CAMK1G: variants seen among roughly 807,000 people sequenced by gnomAD.
CAMK1G encodes calcium/calmodulin-dependent protein kinase type 1G.
In CAMK1G, 27 loss-of-function variants were observed where a neutral mutation model predicts 54.8. The observed-to-expected ratio is 0.49, with a 90% CI of 0.36 to 0.68. The LOEUF (loss-of-function observed/expected upper bound fraction) is 0.68. Ranked by LOEUF, CAMK1G falls within the 30% of genes least tolerant of loss-of-function variation. CAMK1G has a pLI of 0.00. For missense variants in CAMK1G, 512 were observed against 591.0 expected (o/e 0.87, Z 1.39); for synonymous variants, 238 against 224.9 (o/e 1.06, Z -0.52).
At chr1:209,610,775 C>G (rs756744102) in intron 9 of CAMK1G, among the ~76,000 whole-genome samples, 2 of 152,156 alleles carry the variant, frequency 1.3e-5, no homozygotes, top group Non-Finnish European at 2.9e-5. Flanking sequence ...TGAACAACAC[C>G]CGACATCTAG....
intron 8 of CAMK1G, among the ~76,000 whole-genome samples, chr1:209,609,637 G>A (rs753869494): frequency 3.3e-5 from 5 of 152,210 alleles, no homozygotes; most frequent in Non-Finnish European, 5.9e-5. Flanking sequence ...AGTGCTGTGT[G>A]GGTGAGGCGG....
rs1665823550 is a variant in CAMK1G at position 209,613,083 on chromosome 1, C to T, written c.*81C>T. The T allele has an allele frequency of 1.9e-6, 1 of 514,910 alleles. No homozygotes were observed. The highest frequency in any genetic ancestry group is 1.9e-5 in the African/African-American group (1 of 51,966). The allele number at this position is 514,910 out of a possible 1,614,324, so 31.9% of individuals were successfully genotyped here. On this transcript the variant is annotated 3_prime_UTR_variant, in exon 13 of 13. Coordinates refer to ENST00000361322, the MANE Select transcript of CAMK1G (RefSeq NM_020439.3). ...CTGCTCTTCCAAACCTGGTGTCTAT[C>T]CGGCAGAGGGAGGAAGGCAGAGCAA...
chr1:209,605,780 A>T, intron 5 of CAMK1G, 106 bp downstream of exon 5: 1 of 1,153,082 alleles, frequency 8.7e-7, no homozygotes, highest in Non-Finnish European at 1.2e-6. Context: ...TGGACTAGTG[A>T]CTCCCAAGGC....
In CAMK1G at chr1:209,611,569, AG is replaced by A. The variant is rs772505057; in HGVS notation, c.915+22del. 13 of 1,607,544 alleles carry A rather than the reference AG, an allele frequency of 8.1e-6. No individual in the cohort carries two copies. On this transcript the variant is annotated intron_variant, in intron 10 of 12. Transcript: ENST00000361322. ...AAGTGGAGGGTAAGCTGTCCTCTCC[AG>A]GGGGTGGGAAAGCTGTTCTGGGCCC... is the stretch of plus-strand genomic sequence containing the variant.
intron 1 of CAMK1G, among the ~76,000 whole-genome samples, chr1:209,592,183 GA>G (rs900035886): frequency 4.8e-4 from 72 of 151,390 alleles, no homozygotes; most frequent in African/African-American, 1.6e-3. Context: ...CCTGTCTTTG[GA>G]AAAAAAATTA....
chr1:209,607,977 A>G (rs1456145837), intron 7 of CAMK1G, 44 bp downstream of exon 7: 5 of 1,497,156 alleles, frequency 3.3e-6, no homozygotes, highest in Non-Finnish European at 4.6e-6. Context: ...GAAGTCTCGG[A>G]GCCTGCTTAC....
chr1:209,585,692 G>C (rs1665079048), intron 1 of CAMK1G, among the ~76,000 whole-genome samples: 1 of 152,268 alleles, frequency 6.6e-6, no homozygotes, highest in African/African-American at 2.4e-5. Context: ...CTACCTGGAA[G>C]TGAAAAAGCA....
At chr1:209,602,256 G>T (rs555674228) in intron 3 of CAMK1G, among the ~76,000 whole-genome samples, 8 of 152,288 alleles carry the variant, frequency 5.3e-5, no homozygotes, top group Non-Finnish European at 7.4e-5. Flanking sequence ...GATGCCAGCA[G>T]CACCTTCCCC....
chr1:209,605,457 C>T, intron 4 of CAMK1G, 79 bp from the exon 5 acceptor site: 3 of 1,534,772 alleles, frequency 2.0e-6, no homozygotes, highest in East Asian at 2.3e-5. Flanking sequence ...CTGTGTCCCC[C>T]AAGGCTTCAA....
At chr1:209,587,530 G>T (rs769567431) in intron 1 of CAMK1G, among the ~76,000 whole-genome samples, 1 of 152,008 alleles carries the variant, frequency 6.6e-6, no homozygotes, top group Non-Finnish European at 1.5e-5. Context: ...TCCAAGAAGG[G>T]GGCCAGAGGA....
intron 9 of CAMK1G, among the ~76,000 whole-genome samples, chr1:209,611,064 G>T (rs1665768200): frequency 6.6e-6 from 1 of 152,164 alleles, no homozygotes; most frequent in South Asian, 2.1e-4. Context: ...TAAAGCATCA[G>T]ATAGTAAATA....
chr1:209,597,999 G>A (rs1168838840), intron 2 of CAMK1G, among the ~76,000 whole-genome samples: 1 of 152,196 alleles, frequency 6.6e-6, no homozygotes, highest in African/African-American at 2.4e-5. Flanking sequence ...TTGTGAATCA[G>A]ATACTATTGA....
intron 9 of CAMK1G, among the ~76,000 whole-genome samples, chr1:209,610,526 T>G (rs759585808): frequency 6.6e-6 from 1 of 152,126 alleles, no homozygotes; most frequent in Admixed American, 6.5e-5. Context: ...TCTGTCCAGA[T>G]AGGCCTGGGA....
chr1:209,605,311 A>C (rs1230661341), intron 4 of CAMK1G, among the ~76,000 whole-genome samples: 1 of 152,162 alleles, frequency 6.6e-6, no homozygotes, highest in Non-Finnish European at 1.5e-5. Flanking sequence ...TCAGAGAGAG[A>C]GGTCAATGCT....
chr1:209,604,506 C>G (rs1170427089), intron 4 of CAMK1G, among the ~76,000 whole-genome samples: 1 of 152,162 alleles, frequency 6.6e-6, no homozygotes, highest in Non-Finnish European at 1.5e-5. Context: ...CGCCCAAAGC[C>G]TAAAGACCAA....
chr1:209,595,176 C>A (rs1046695485), intron 2 of CAMK1G, 101 bp downstream of exon 2: 3 of 795,526 alleles, frequency 3.8e-6, no homozygotes, highest in Non-Finnish European at 6.4e-6. Context: ...TGGACTGAGG[C>A]TGCTGTGACT....
chr1:209,598,918 A>G (rs2102387436), intron 2 of CAMK1G, among the ~76,000 whole-genome samples: 1 of 152,346 alleles, frequency 6.6e-6, no homozygotes, highest in Non-Finnish European at 1.5e-5. Context: ...AGTTTGGGCA[A>G]CTGGGTTAGT....
chr1:209,605,456 C>G, intron 4 of CAMK1G, 80 bp from the exon 5 acceptor site: 1 of 1,537,584 alleles, frequency 6.5e-7, no homozygotes, highest in Non-Finnish European at 8.8e-7. Flanking sequence ...GCTGTGTCCC[C>G]CAAGGCTTCA....
chr1:209,609,711 C>T, intron 8 of CAMK1G, 140 bp from the exon 9 acceptor site: 3 of 768,966 alleles, frequency 3.9e-6, no homozygotes, highest in Admixed American at 5.0e-5. Context: ...GATTTTTTTT[C>T]CTCTTCTAAG....
Sources: allele counts gnomAD v4.1 joint callset (sites outside exome capture counted in the v4.1 genomes callset), GRCh38; gene constraint gnomAD v4.1.1; transcripts MANE v1.5; gene names NCBI Gene and HGNC (gene_info 2026-07-23, HGNC 2026-07-21).